The following CLMP variants were observed in gnomAD, a reference collection of about 807,000 sequenced individuals.
The protein encoded by CLMP is CXADR like cell adhesion molecule.
A neutral mutation model predicts 45.2 loss-of-function variants in CLMP; 27 were observed. The ratio of observed to expected loss-of-function variants is 0.60; its 90% CI spans 0.44 to 0.82. CLMP has a LOEUF of 0.82. Among genes scored for constraint, CLMP ranks in the 40% least tolerant of loss-of-function variants. The pLI is 0.00. For missense variants in CLMP, 403 were observed against 448.4 expected, an observed-to-expected ratio of 0.90 and a Z score of 0.91; for synonymous variants, 167 against 171.4, an observed-to-expected ratio of 0.97 and a Z score of 0.20.
At chr11:123,118,327 G>C (rs1177718905) in intron 1 of CLMP, among the ~76,000 whole-genome samples, 1 of 152,026 alleles carries the variant, frequency 6.6e-6, no homozygotes, top group Non-Finnish European at 1.5e-5. Flanking sequence ...TAGAGACAAG[G>C]TTTCAACATG....
chr11:123,137,130 T>C (rs906128015), intron 1 of CLMP, among the ~76,000 whole-genome samples: 1 of 144,664 alleles, frequency 6.9e-6, no homozygotes, highest in Non-Finnish European at 1.5e-5. Context: ...TGCAGACCTT[T>C]CTCTTTTTTT....
At chr11:123,084,808 A>C in intron 2 of CLMP, 95 bp from the exon 3 acceptor site, 1 of 1,060,638 alleles carries the variant, frequency 9.4e-7, no homozygotes, top group Non-Finnish European at 1.4e-6. Context: ...TCCCAGTGGC[A>C]CAAAGTAGTC....
At chr11:123,117,219 A>G (rs1275572085) in intron 1 of CLMP, among the ~76,000 whole-genome samples, 7 of 152,048 alleles carry the variant, frequency 4.6e-5, no homozygotes, top group Non-Finnish European at 8.8e-5. Context: ...CTGTGCACTA[A>G]GGGATATAAA....
At chr11:123,160,279 CAAA>C (rs67087501) in intron 1 of CLMP, among the ~76,000 whole-genome samples, 12 of 46,672 alleles carry the variant, frequency 2.6e-4, no homozygotes, top group Admixed American at 2.5e-3. Context: ...GACTCTGTCT[CAAA>C]AAAAAAAAAA....
Position 123,195,069 on chromosome 11 carries a change from T to A in CLMP, c.-129A>T. On this transcript the variant is annotated 5_prime_UTR_variant, in exon 1 of 7. The change abolishes an upstream ATG in the 5' untranslated region. Coordinates refer to ENST00000448775, the MANE Select transcript of CLMP (RefSeq NM_024769.5). ...GGTGCGCGCGAGGTGGCTGCAGCCA[T>A]GTGCCGGGCGGGAGCCGGCCCCGCG... 2 of 781,042 alleles carry A rather than the reference T, an allele frequency of 2.6e-6. No homozygotes were observed. The highest frequency in any genetic ancestry group is 3.5e-6 in the Non-Finnish European group (2 of 567,678). 48.4% of individuals were successfully genotyped at this position (781,042 alleles called of 1,614,324 possible). A position where few individuals can be genotyped will look rare whatever the true frequency, so the allele number is the denominator to read the frequency against.
intron 1 of CLMP, among the ~76,000 whole-genome samples, chr11:123,104,128 CTTTTTTT>C (rs1241735527): frequency 9.7e-5 from 7 of 72,394 alleles, no homozygotes; most frequent in African/African-American, 2.9e-4. Context: ...CCATGCCTGG[CTTTTTTT>C]TTTTTTTTTT....
In CLMP at chr11:123,107,534, A is replaced by ATTTTTTTTTTTTTTTT. The variant is rs370750162; in HGVS notation, c.29-9598_29-9583dup. On this transcript the variant is annotated intron_variant, in intron 1 of 6. Transcript: ENST00000448775. ...GTGCGAGCCACCGCACCTGACCTAA[A>ATTTTTTTTTTTTTTTT]TTTTTTTTTTTTTTTTTTTCAGAAA... 6.6e-3 allele frequency among the ~76,000 whole-genome samples: 816 copies of ATTTTTTTTTTTTTTTT among 123,198 alleles called. 27 individuals carry two copies. The highest frequency in any genetic ancestry group is 7.6e-3 in the African/African-American group (249 of 32,722). The allele number at this position is 123,198 out of a possible 152,430, so 80.8% of individuals were successfully genotyped here.
chr11:123,160,494 G>A (rs949233104), intron 1 of CLMP, among the ~76,000 whole-genome samples: 3 of 152,136 alleles, frequency 2.0e-5, no homozygotes, highest in Non-Finnish European at 4.4e-5. Flanking sequence ...AAATCAGAGT[G>A]CAGCAGATAT....
chr11:123,194,006 C>T (rs1009805547), intron 1 of CLMP, among the ~76,000 whole-genome samples: 9 of 152,226 alleles, frequency 5.9e-5, no homozygotes, highest in East Asian at 1.9e-4. Context: ...TGCATAGTGA[C>T]GTGCCCTTGG....
chr11:123,072,309 TGA>T lies in CLMP; in HGVS notation c.*1163_*1164del, dbSNP rs1386643311. The T allele has an allele frequency of 6.9e-6, 1 of 145,814 alleles. No individual in the cohort carries two copies. Among genetic ancestry groups the T allele is most frequent in the Non-Finnish European group, 1.5e-5 (1 of 66,964 alleles). 9.0% of individuals were successfully genotyped at this position (145,814 alleles called of 1,614,324 possible). Reference sequence around the variant, plus strand: ...TACTGAACTTCCTTTTATCCTTCCTTGATTTTTTTTTTTTTTTGAGATGGAGT... The same window carrying T: ...TACTGAACTTCCTTTTATCCTTCCTTTTTTTTTTTTTTTTTGAGATGGAGT... On this transcript the variant is annotated 3_prime_UTR_variant, in exon 7 of 7. Coordinates refer to ENST00000448775, the MANE Select transcript of CLMP (RefSeq NM_024769.5).
At position 123,085,229 on chromosome 11, in the gene CLMP, G is replaced by GA. The variant is rs1336377277; in HGVS notation, c.187-517dup. Among the ~76,000 whole-genome samples the GA allele has an allele frequency of 6.7e-5, 10 of 149,974 alleles. No homozygotes were observed. The Admixed American group carries it at 6.7e-4, about 10-fold the overall frequency. ...TATTTGAGAGACTTCTATGAGACAG[G>GA]ACTGTTTCCTTGGTTTTATTTATTT... On this transcript the variant is annotated intron_variant, in intron 2 of 6. Coordinates refer to ENST00000448775, the MANE Select transcript of CLMP (RefSeq NM_024769.5).
chr11:123,134,255 C>CT (rs1373916119), intron 1 of CLMP, among the ~76,000 whole-genome samples: 2 of 145,584 alleles, frequency 1.4e-5, no homozygotes, highest in African/African-American at 5.1e-5. Context: ...GAGACTCTGT[C>CT]TTAAAAAAAA....
At chr11:123,095,458 CAG>C (rs959693411) in intron 2 of CLMP, among the ~76,000 whole-genome samples, 3 of 151,964 alleles carry the variant, frequency 2.0e-5, no homozygotes, top group East Asian at 1.9e-4. Flanking sequence ...TTAGTAGAGA[CAG>C]AGTTTCACCA....
intron 1 of CLMP, among the ~76,000 whole-genome samples, chr11:123,174,023 C>A (rs1384763955): frequency 6.6e-6 from 1 of 152,084 alleles, no homozygotes; most frequent in East Asian, 1.9e-4. Context: ...GTTGAGGCAG[C>A]AGTGAGCTGT....
chr11:123,092,080 C>T (rs765542219), intron 2 of CLMP, among the ~76,000 whole-genome samples: 1 of 152,086 alleles, frequency 6.6e-6, no homozygotes, highest in Admixed American at 6.6e-5. Context: ...TCAACAACAC[C>T]TATATAAGGC....
chr11:123,111,898 G>A (rs1860644241), intron 1 of CLMP, among the ~76,000 whole-genome samples: 3 of 152,096 alleles, frequency 2.0e-5, no homozygotes, highest in Admixed American at 2.0e-4. Context: ...TGTTTACTTT[G>A]TTTGTCTAAG....
chr11:123,179,477 C>T (rs1259413675), intron 1 of CLMP, among the ~76,000 whole-genome samples: 1 of 152,164 alleles, frequency 6.6e-6, no homozygotes, highest in African/African-American at 2.4e-5. Flanking sequence ...ATAACAAATA[C>T]TGTAATGGCA....
chr11:123,163,417 A>C (rs988554209), intron 1 of CLMP, among the ~76,000 whole-genome samples: 1 of 152,166 alleles, frequency 6.6e-6, no homozygotes. Flanking sequence ...CCTGGTCTAG[A>C]CTCCAGAGGA....
At chr11:123,101,053 A>G (rs1866052716) in intron 1 of CLMP, among the ~76,000 whole-genome samples, 1 of 152,150 alleles carries the variant, frequency 6.6e-6, no homozygotes, top group African/African-American at 2.4e-5. Flanking sequence ...TATCCCCCCA[A>G]GTTCTATCTT....
Sources: allele counts gnomAD v4.1 joint callset (sites outside exome capture counted in the v4.1 genomes callset), GRCh38; gene constraint gnomAD v4.1.1; transcripts MANE v1.5; gene names NCBI Gene and HGNC (gene_info 2026-07-23, HGNC 2026-07-21).